Variants in TMEM131 observed in about 807,000 individuals in gnomAD.
The protein encoded by TMEM131 is transmembrane protein 131.
Under a neutral mutation model 211.6 loss-of-function variants are expected in TMEM131, and 66 were observed. The observed-to-expected ratio is 0.31, with a 90% CI of 0.26 to 0.38. The LOEUF (loss-of-function observed/expected upper bound fraction) is 0.38, where lower values mean the gene tolerates loss of function less well. Ranked by LOEUF, TMEM131 falls within the 10% of genes least tolerant of loss-of-function variation. The probability of loss-of-function intolerance (pLI) is 1.00; values close to 1 mark genes in which losing one functional copy is unlikely to be tolerated. For missense variants in TMEM131, 2,036 were observed against 2,299.3 expected, an observed-to-expected ratio of 0.89 and a Z score of 2.34; for synonymous variants, 844 against 841.3, an observed-to-expected ratio of 1.00 and a Z score of -0.06.
intron 11 of TMEM131, 45 bp from the exon 12 acceptor site, chr2:97,818,766 A>C: frequency 7.7e-7 from 1 of 1,292,524 alleles, no homozygotes; most frequent in Non-Finnish European, 1.1e-6. Context: ...TTTCAGACTA[A>C]TGGTTCAGTT....
rs145516416 is a variant in TMEM131, at chr2:97,802,683, T to C, written c.2510A>G (p.Lys837Arg). 221 of 1,611,594 alleles carry C rather than the reference T, an allele frequency of 1.4e-4. No homozygotes were observed. In the African/African-American group the frequency reaches 2.8e-3, roughly 20 times the overall value. Residue 837 changes from lysine (K) to arginine (R), a missense_variant, in exon 23 of 41, where the codon AAA becomes AGA. Coordinates refer to ENST00000186436, the MANE Select transcript of TMEM131 (RefSeq NM_015348.2). ...PSILSSPRHL[K>R]FPLTNTNCSS... ...GCAGTTTGTATTAGTAAGTGGAAAT[T>C]TCAAGTGCCGGGGTGAGCTAAGTAT...
chr2:97,917,605 C>T (rs1319520312), intron 2 of TMEM131, among the ~76,000 whole-genome samples: 1 of 152,094 alleles, frequency 6.6e-6, no homozygotes, highest in African/African-American at 2.4e-5. Flanking sequence ...CTTGGGACGC[C>T]TCAGAAAACT....
chr2:97,815,437 T>A, intron 12 of TMEM131, 130 bp from the exon 13 acceptor site: 1 of 521,410 alleles, frequency 1.9e-6, no homozygotes, highest in Non-Finnish European at 3.3e-6. Flanking sequence ...AGAACACTTT[T>A]TATAACATTT....
chr2:97,949,642 T>C (rs1443718531), intron 1 of TMEM131, among the ~76,000 whole-genome samples: 1 of 150,960 alleles, frequency 6.6e-6, no homozygotes, highest in Non-Finnish European at 1.5e-5. Context: ...TGAAACCTCG[T>C]CTCTACTGAA....
intron 1 of TMEM131, among the ~76,000 whole-genome samples, chr2:97,941,547 A>G (rs1400423918): frequency 6.6e-6 from 1 of 152,226 alleles, no homozygotes; most frequent in East Asian, 1.9e-4. Context: ...AACCTACAGA[A>G]TGGGAGAAAA....
At position 97,797,349 on chromosome 2, in the gene TMEM131, A is replaced by G. The variant is rs774009694; in HGVS notation, c.2870+16T>C. On this transcript the variant is annotated intron_variant, in intron 26 of 40. Transcript: ENST00000186436. Reference sequence around the variant, plus strand: ...AAGTAGTAAAAATGAACCCACACCTATATCACAGAACCTACCTGACTATGA... The same window carrying G: ...AAGTAGTAAAAATGAACCCACACCTGTATCACAGAACCTACCTGACTATGA... 20 of 1,575,720 alleles carry G rather than the reference A, an allele frequency of 1.3e-5. No homozygotes were observed. Among genetic ancestry groups the G allele is most frequent in the Middle Eastern group, 4.7e-4 (2 of 4,288 alleles).
chr2:97,993,000 G>A (rs1351842872), intron 1 of TMEM131, among the ~76,000 whole-genome samples: 1 of 152,104 alleles, frequency 6.6e-6, no homozygotes, highest in Non-Finnish European at 1.5e-5. Flanking sequence ...AGGATGTTAA[G>A]ACAAGGAATG....
intron 1 of TMEM131, among the ~76,000 whole-genome samples, chr2:97,928,639 T>C (rs1677089057): frequency 6.6e-6 from 1 of 151,820 alleles, no homozygotes; most frequent in Non-Finnish European, 1.5e-5. Context: ...TCTGTAAGAC[T>C]AAAGGCAAAA....
Position 97,815,317 on chromosome 2 carries a change from A to C in TMEM131, c.1184-10T>G. ...TTTTTTGCCTTCGATGCTGAAAGGA[A>C]GCATAAAAAATAATCTCTGTTACCT... On this transcript the variant is annotated splice_polypyrimidine_tract_variant and intron_variant, in intron 12 of 40. Transcript: ENST00000186436. 2.0e-6 allele frequency: 3 copies of C among 1,516,892 alleles called. No individual in the cohort carries two copies. The highest frequency in any genetic ancestry group is 2.7e-6 in the Non-Finnish European group (3 of 1,129,698). The allele number at this position is 1,516,892 out of a possible 1,614,324, so 94.0% of individuals were successfully genotyped here.
intron 4 of TMEM131, among the ~76,000 whole-genome samples, chr2:97,868,399 T>G (rs548886381): frequency 1.3e-5 from 2 of 152,244 alleles, no homozygotes; most frequent in Non-Finnish European, 2.9e-5. Flanking sequence ...TGTCTCGCTT[T>G]TTTATTCAAT....
chr2:97,820,943 C>CT (rs1387979426), intron 11 of TMEM131, among the ~76,000 whole-genome samples: 3 of 151,430 alleles, frequency 2.0e-5, no homozygotes, highest in East Asian at 1.9e-4. Flanking sequence ...GTTAATTTTG[C>CT]TTTTTTTCCC....
At chr2:97,809,800 G>C (rs375623945) in intron 18 of TMEM131, 26 bp from the exon 19 acceptor site, 7 of 1,553,386 alleles carry the variant, frequency 4.5e-6, no homozygotes, top group Non-Finnish European at 4.4e-6. Flanking sequence ...GATGATGATA[G>C]ATAAGTAGTT....
chr2:97,767,780 G>A (rs902889308), intron 33 of TMEM131, among the ~76,000 whole-genome samples: 6 of 152,144 alleles, frequency 3.9e-5, no homozygotes, highest in Non-Finnish European at 8.8e-5. Context: ...TACTACTCAG[G>A]ACTCCCGGCC....
Position 97,792,837 on chromosome 2 carries a change from G to T in TMEM131, c.3693C>A (p.Asp1231Glu). 1 of 1,613,920 alleles carries T rather than the reference G, an allele frequency of 6.2e-7. No individual in the cohort carries two copies. The highest frequency in any genetic ancestry group is 1.1e-5 in the South Asian group (1 of 91,074). Residue 1231 changes from aspartate (D) to glutamate (E), a missense_variant, in exon 31 of 41, where the codon GAC becomes GAA. By Grantham distance (45) the Asp-to-Glu change is conservative. Around this residue, in one of 3 missense-constraint regions of TMEM131, gnomAD observed 1,623 missense variants for 1,805.9 expected, o/e 0.90. Coordinates refer to ENST00000186436, the MANE Select transcript of TMEM131 (RefSeq NM_015348.2). The part of the protein sequence containing the change: ...HSSHSNRNSA[D>E]VENVRAKNSS... Reference sequence around the variant, plus strand: ...TGTTTTTGGCTCTGACGTTTTCCACGTCAGCTGAGTTTCTATTGCTGTGAC... The same window carrying T: ...TGTTTTTGGCTCTGACGTTTTCCACTTCAGCTGAGTTTCTATTGCTGTGAC...
intron 2 of TMEM131, among the ~76,000 whole-genome samples, chr2:97,909,363 A>C (rs1676203924): frequency 6.6e-6 from 1 of 152,120 alleles, no homozygotes; most frequent in African/African-American, 2.4e-5. Context: ...CTGGGAGAGA[A>C]GGAGAAAATG....
rs1053467213 is a variant in TMEM131, at chr2:97,919,635, A to G, written c.249+7791T>C. ...GCCCAGGCCGGAGTGCAATGGCACGATCTCAGCTCACTGCAACCTCCGTCT... is the reference window on the plus strand; with the variant it reads ...GCCCAGGCCGGAGTGCAATGGCACGGTCTCAGCTCACTGCAACCTCCGTCT... On this transcript the variant is annotated intron_variant, in intron 2 of 40. Transcript: ENST00000186436. Among the ~76,000 whole-genome samples, 3 of 152,106 alleles carry G rather than the reference A, an allele frequency of 2.0e-5. 1 individual carries two copies. Among genetic ancestry groups the G allele is most frequent in the Non-Finnish European group, 4.4e-5 (3 of 68,036 alleles).
At chr2:97,874,058 C>G (rs747942201) in intron 4 of TMEM131, among the ~76,000 whole-genome samples, 1 of 152,236 alleles carries the variant, frequency 6.6e-6, no homozygotes, top group Non-Finnish European at 1.5e-5. Flanking sequence ...AAATACAGCA[C>G]GAGAACTTTG....
At chr2:97,821,750 C>T (rs1034294904) in intron 11 of TMEM131, among the ~76,000 whole-genome samples, 5 of 152,162 alleles carry the variant, frequency 3.3e-5, no homozygotes, top group African/African-American at 4.8e-5. Flanking sequence ...GGCTAAATAC[C>T]GGACACCTGT....
At chr2:97,904,634 G>A (rs1408266051) in intron 3 of TMEM131, among the ~76,000 whole-genome samples, 1 of 151,826 alleles carries the variant, frequency 6.6e-6, no homozygotes, top group Non-Finnish European at 1.5e-5. Context: ...CATTTACTAC[G>A]GTTTCTGATA....
Sources: allele counts gnomAD v4.1 joint callset (sites outside exome capture counted in the v4.1 genomes callset), GRCh38; gene constraint gnomAD v4.1.1; regional missense constraint gnomAD v4.1.1; transcripts MANE v1.5; gene names NCBI Gene and HGNC (gene_info 2026-07-23, HGNC 2026-07-21).